Variants in PLD1 observed in about 807,000 individuals in gnomAD.
The protein encoded by PLD1 is choline phosphatase 1.
A neutral mutation model predicts 137.1 loss-of-function variants in PLD1; 112 were observed. That is an observed-to-expected ratio of 0.82 (90% CI 0.70 to 0.96). The LOEUF (loss-of-function observed/expected upper bound fraction) is 0.96, where lower values mean the gene tolerates loss of function less well. Ranked by LOEUF, PLD1 falls within the 40% of genes least tolerant of loss-of-function variation. The pLI is 0.00. For synonymous variants in PLD1, 431 were observed against 454.7 expected, an observed-to-expected ratio of 0.95 and a Z score of 0.66; for missense variants, 1,321 against 1,342.0, an observed-to-expected ratio of 0.98 and a Z score of 0.24.
intron 16 of PLD1, among the ~76,000 whole-genome samples, chr3:171,681,436 C>T (rs1713961394): frequency 6.6e-6 from 1 of 152,164 alleles, no homozygotes; most frequent in Admixed American, 6.5e-5. Flanking sequence ...GTCTGAGATG[C>T]CGAAATAAAT....
At chr3:171,770,223 G>A (rs531801076) in intron 1 of PLD1, among the ~76,000 whole-genome samples, 9 of 152,186 alleles carry the variant, frequency 5.9e-5, no homozygotes, top group East Asian at 3.9e-4. Flanking sequence ...GGGTAATCTC[G>A]TATTCTGAAG....
chr3:171,682,170 G>GAAAGAAAGAAAGAA (rs1714079893), intron 16 of PLD1, among the ~76,000 whole-genome samples: 2 of 95,606 alleles, frequency 2.1e-5, no homozygotes, highest in South Asian at 3.2e-4. Flanking sequence ...GAAAGAAAAA[G>GAAAGAAAGAAAGAA]AAAGAAAGAA....
chr3:171,802,186 T>G (rs769266437), intron 1 of PLD1, among the ~76,000 whole-genome samples: 1 of 152,226 alleles, frequency 6.6e-6, no homozygotes, highest in Non-Finnish European at 1.5e-5. Context: ...CAACAAGTAG[T>G]TAGTGAGCAC....
rs113548069 is a variant in PLD1 at position 171,689,766 on chromosome 3, C to T, written c.1339-890G>A. Among the ~76,000 whole-genome samples, 7 of 152,268 alleles carry T rather than the reference C, an allele frequency of 4.6e-5. No individual in the cohort carries two copies. The South Asian group carries it at 1.0e-3, about 23-fold the overall frequency. ...ACCCTCCCACTTCAGCTTCCCAAAG[C>T]GCTGGGACTACATGCATGAGCCACC... On this transcript the variant is annotated intron_variant, in intron 13 of 26. Coordinates refer to ENST00000351298, the MANE Select transcript of PLD1 (RefSeq NM_002662.5).
In PLD1 at chr3:171,687,559, G is replaced by T; in HGVS notation, c.1565C>A (p.Ser522Tyr). The T allele has an allele frequency of 6.2e-7, 1 of 1,613,670 alleles. No individual in the cohort carries two copies. Among genetic ancestry groups the T allele is most frequent in the South Asian group, 1.1e-5 (1 of 91,064 alleles). The change falls in exon 15 of 27, where the codon TCC becomes TAC. Residue 522 changes from serine (S) to tyrosine (Y), a missense_variant. Ser to Tyr is a moderately radical substitution (Grantham distance 144, BLOSUM62 -2). Coordinates refer to ENST00000351298, the MANE Select transcript of PLD1 (RefSeq NM_002662.5). ...CTCATTTTTATCTTTGAGTCTTAAGGATTCCATAGACTCCATTGCGGCAGG... is the reference window on the plus strand; with the variant it reads ...CTCATTTTTATCTTTGAGTCTTAAGTATTCCATAGACTCCATTGCGGCAGG... ...LPPAAMESME[S>Y]LRLKDKNEPV...
rs773973075 is a variant in PLD1, at chr3:171,603,074, T to A, written c.*4A>T. ...GAAGTCTTTGAGCTGCCAATGAATATCTCTTAAGTCCAAACCTCCATGGGC... is the reference window on the plus strand; with the variant it reads ...GAAGTCTTTGAGCTGCCAATGAATAACTCTTAAGTCCAAACCTCCATGGGC... On this transcript the variant is annotated 3_prime_UTR_variant, in exon 27 of 27. Transcript: ENST00000351298. 1.4e-5 allele frequency: 22 copies of A among 1,605,076 alleles called. No individual in the cohort carries two copies. In the East Asian group the frequency reaches 3.8e-4, roughly 28 times the overall value.
intron 17 of PLD1, among the ~76,000 whole-genome samples, 191 bp downstream of exon 17, chr3:171,677,375 C>T (rs1403485012): frequency 6.6e-6 from 1 of 151,996 alleles, no homozygotes; most frequent in Non-Finnish European, 1.5e-5. Flanking sequence ...ATGTTCTTTT[C>T]TTATTATAAC....
In PLD1 at chr3:171,734,609, A is replaced by G. The variant is rs4894504; in HGVS notation, c.540+256T>C. Among the ~76,000 whole-genome samples, 55,407 of 152,052 alleles carry G rather than the reference A, an allele frequency of 0.36. 11,275 individuals carry two copies. The highest frequency in any genetic ancestry group is 0.53 in the African/African-American group (21,912 of 41,462). On this transcript the variant is annotated intron_variant, in intron 5 of 26. Coordinates refer to ENST00000351298, the MANE Select transcript of PLD1 (RefSeq NM_002662.5). Reference sequence around the variant, plus strand: ...TTTGACTCACAATAAGCCCAAGGAGATTCTAGCAGGGAGAACAGCTTCTTC... The same window carrying G: ...TTTGACTCACAATAAGCCCAAGGAGGTTCTAGCAGGGAGAACAGCTTCTTC...
chr3:171,675,926 TCC>T (rs1713303785), intron 18 of PLD1, among the ~76,000 whole-genome samples: 1 of 150,838 alleles, frequency 6.6e-6, no homozygotes, highest in African/African-American at 2.4e-5. Flanking sequence ...CACTGCAAAC[TCC>T]GCCTCCTGGA....
intron 6 of PLD1, among the ~76,000 whole-genome samples, chr3:171,730,582 C>G (rs1718858426): frequency 6.6e-6 from 1 of 151,362 alleles, no homozygotes; most frequent in Non-Finnish European, 1.5e-5. Context: ...GCTTAGAACC[C>G]TAAACCAAAT....
chr3:171,770,349 G>A (rs956929429), intron 1 of PLD1, among the ~76,000 whole-genome samples: 5 of 152,260 alleles, frequency 3.3e-5, no homozygotes, highest in African/African-American at 9.6e-5. Flanking sequence ...TTCCAGAAAA[G>A]TGCCAGACTT....
chr3:171,778,666 G>A (rs551640064), intron 1 of PLD1, among the ~76,000 whole-genome samples: 3 of 152,314 alleles, frequency 2.0e-5, no homozygotes, highest in South Asian at 2.1e-4. Context: ...CAAACTTGGC[G>A]TGTTCAAGAA....
At chr3:171,686,388 A>T (rs141416779) in intron 16 of PLD1, among the ~76,000 whole-genome samples, 1 of 152,196 alleles carries the variant, frequency 6.6e-6, no homozygotes, top group Non-Finnish European at 1.5e-5. Flanking sequence ...GTCTTTCTGC[A>T]TCATCAGAGA....
chr3:171,640,656 C>T (rs1578168121), intron 23 of PLD1, among the ~76,000 whole-genome samples: 1 of 152,334 alleles, frequency 6.6e-6, no homozygotes, highest in East Asian at 1.9e-4. Context: ...CCTTAGGCTT[C>T]ACTTTCTGCT....
At chr3:171,718,260 C>T (rs1717823644) in intron 8 of PLD1, among the ~76,000 whole-genome samples, 1 of 152,152 alleles carries the variant, frequency 6.6e-6, no homozygotes, top group African/African-American at 2.4e-5. Flanking sequence ...CAGGAAGAGA[C>T]TGAATCCTTA....
At chr3:171,659,151 A>C (rs1393457541) in intron 21 of PLD1, 62 bp downstream of exon 21, 3 of 1,146,274 alleles carry the variant, frequency 2.6e-6, no homozygotes, top group Non-Finnish European at 2.6e-6. Context: ...GGCTTTGCAA[A>C]GTCATTTTAG....
chr3:171,645,883 CAAA>C (rs1162718346), intron 21 of PLD1, among the ~76,000 whole-genome samples: 3,266 of 59,006 alleles, frequency 0.055, 44 homozygotes, highest in African/African-American at 0.15. Context: ...GACTCCATCT[CAAA>C]AAAAAAAAAA....
intron 26 of PLD1, among the ~76,000 whole-genome samples, chr3:171,604,097 G>A (rs1233105386): frequency 1.3e-5 from 2 of 152,062 alleles, no homozygotes; most frequent in Admixed American, 6.6e-5. Flanking sequence ...CTAGCACTTT[G>A]AGAGGCCAAG....
At chr3:171,634,840 A>AT (rs1258921236) in intron 23 of PLD1, among the ~76,000 whole-genome samples, 1 of 152,108 alleles carries the variant, frequency 6.6e-6, no homozygotes, top group Admixed American at 6.6e-5. Context: ...TAAGTAGTAC[A>AT]TTCACAAGGC....
Sources: gnomAD v4.1 joint callset for allele counts (sites outside exome capture counted in the v4.1 genomes callset) on GRCh38, gnomAD v4.1.1 for gene constraint, MANE v1.5 for transcripts, NCBI Gene and HGNC (gene_info 2026-07-23, HGNC 2026-07-21) for gene names.